Variants in GULP1 observed in about 807,000 individuals in gnomAD.
The protein encoded by GULP1 is PTB domain-containing engulfment adapter protein 1.
A neutral mutation model predicts 40.9 loss-of-function variants in GULP1; 19 were observed. That is an observed-to-expected ratio of 0.46 (90% CI 0.32 to 0.68). GULP1 has a LOEUF of 0.68. GULP1 is among the 30% of genes least tolerant of loss of function. The pLI is 0.03. For synonymous variants in GULP1, 119 were observed against 117.6 expected, an observed-to-expected ratio of 1.01 and a Z score of -0.08; for missense variants, 312 against 362.2, an observed-to-expected ratio of 0.86 and a Z score of 1.12.
intron 11 of GULP1, chr2:188,591,667 A>G (rs1426482344): frequency 2.0e-5 from 3 of 151,760 alleles, no homozygotes; most frequent in Non-Finnish European, 4.4e-5. Flanking sequence ...ATAGAAAACT[A>G]TATGTAATAT....
At chr2:188,577,420 C>T (rs1700373521) in intron 9 of GULP1, among the ~76,000 whole-genome samples, 1 of 151,996 alleles carries the variant, frequency 6.6e-6, no homozygotes, top group African/African-American at 2.4e-5. Context: ...AATCTTTAAA[C>T]AAAGGCATAA....
rs146060469 is a variant in GULP1, at chr2:188,411,761, T to A, written c.-45+27872T>A. Reference sequence around the variant, plus strand: ...CTACAGCCCATGAATCAGTATATAATCACACATCTGGCCATTTCTTCTTCT... The same window carrying A: ...CTACAGCCCATGAATCAGTATATAAACACACATCTGGCCATTTCTTCTTCT... On this transcript the variant is annotated intron_variant, in intron 2 of 11. Coordinates refer to ENST00000409830, the MANE Select transcript of GULP1 (RefSeq NM_016315.4). 4.3e-3 allele frequency among the ~76,000 whole-genome samples: 655 copies of A among 152,290 alleles called. 5 individuals carry two copies. The highest frequency in any genetic ancestry group is 0.015 in the African/African-American group (620 of 41,540).
At chr2:188,489,057 A>T (rs548938600) in intron 4 of GULP1, among the ~76,000 whole-genome samples, 1 of 152,018 alleles carries the variant, frequency 6.6e-6, no homozygotes, top group Admixed American at 6.6e-5. Flanking sequence ...AGAACATATG[A>T]TAAATTACCC....
At chr2:188,447,007 C>A (rs576035644) in intron 2 of GULP1, among the ~76,000 whole-genome samples, 1 of 152,166 alleles carries the variant, frequency 6.6e-6, no homozygotes, top group East Asian at 1.9e-4. Context: ...GGCATAGCCT[C>A]GTTTTATGCA....
Position 188,569,375 on chromosome 2 carries a change from T to G in GULP1, c.516+20T>G. ...AAAAGAGTGAGTAAACTAAGCTTGT[T>G]GTTTTACATTTGTGTGATGTAAGTA... is the stretch of plus-strand genomic sequence containing the variant. On this transcript the variant is annotated intron_variant, in intron 8 of 11. Transcript: ENST00000409830. 1.7e-6 allele frequency: 2 copies of G among 1,158,090 alleles called. No individual in the cohort carries two copies. Among genetic ancestry groups the G allele is most frequent in the Non-Finnish European group, 2.6e-6 (2 of 763,770 alleles). The allele number at this position is 1,158,090 out of a possible 1,614,324, so 71.7% of individuals were successfully genotyped here.
At chr2:188,330,097 A>G (rs1457028657) in intron 1 of GULP1, among the ~76,000 whole-genome samples, 2 of 152,180 alleles carry the variant, frequency 1.3e-5, no homozygotes, top group African/African-American at 4.8e-5. Context: ...AACATACTCA[A>G]ATTACCTAGG....
At chr2:188,338,244 C>A (rs1234424709) in intron 1 of GULP1, among the ~76,000 whole-genome samples, 1 of 151,462 alleles carries the variant, frequency 6.6e-6, no homozygotes. Context: ...TTATTAACCA[C>A]AATCTTAAGA....
intron 9 of GULP1, among the ~76,000 whole-genome samples, chr2:188,574,844 A>G (rs1699852582): frequency 6.6e-6 from 1 of 152,176 alleles, no homozygotes; most frequent in Non-Finnish European, 1.5e-5. Context: ...ATGTTAAATC[A>G]TAAATTTAAA....
intron 1 of GULP1, among the ~76,000 whole-genome samples, chr2:188,311,338 A>G (rs979541281): frequency 6.6e-6 from 1 of 152,136 alleles, no homozygotes; most frequent in East Asian, 1.9e-4. Context: ...CTGGGACTAC[A>G]GGCATGCGCC....
intron 2 of GULP1, among the ~76,000 whole-genome samples, chr2:188,467,105 A>T (rs141850759): frequency 1.1e-3 from 168 of 152,198 alleles, no homozygotes; most frequent in Middle Eastern, 6.8e-3. Context: ...TGGGGACATG[A>T]CACAGTTGAA....
At chr2:188,442,140 T>C (rs1351870116) in intron 2 of GULP1, among the ~76,000 whole-genome samples, 1 of 152,236 alleles carries the variant, frequency 6.6e-6, no homozygotes, top group Non-Finnish European at 1.5e-5. Flanking sequence ...ATTAAAACAA[T>C]TGTTGGTGAC....
chr2:188,569,176 T>G (rs938096496), intron 7 of GULP1, 63 bp from the exon 8 acceptor site: 2 of 859,146 alleles, frequency 2.3e-6, no homozygotes, highest in Non-Finnish European at 4.0e-6. Flanking sequence ...AATGTTGTTT[T>G]CTCGATTCAA....
At chr2:188,529,232 A>G in intron 6 of GULP1, 37 bp downstream of exon 6, 1 of 921,814 alleles carries the variant, frequency 1.1e-6, no homozygotes, top group Admixed American at 2.2e-5. Context: ...GCAATCTTTA[A>G]TTAATTGCAA....
chr2:188,472,491 T>A (rs2060671568), intron 2 of GULP1, among the ~76,000 whole-genome samples: 1 of 152,170 alleles, frequency 6.6e-6, no homozygotes, highest in Non-Finnish European at 1.5e-5. Flanking sequence ...TTGTCTCCTC[T>A]GACCATGTAT....
intron 1 of GULP1, among the ~76,000 whole-genome samples, chr2:188,336,459 A>G (rs1451391501): frequency 6.6e-6 from 1 of 152,248 alleles, no homozygotes; most frequent in African/African-American, 2.4e-5. Flanking sequence ...TACAGCATCA[A>G]AAAGGACAGA....
intron 9 of GULP1, among the ~76,000 whole-genome samples, chr2:188,570,426 A>T (rs1210823029): frequency 6.6e-6 from 1 of 152,076 alleles, no homozygotes. Context: ...TTTTGTTTCT[A>T]TTAATTACTA....
intron 2 of GULP1, among the ~76,000 whole-genome samples, chr2:188,454,586 G>C (rs771713552): frequency 1.4e-4 from 22 of 152,146 alleles, no homozygotes; most frequent in Non-Finnish European, 2.6e-4. Flanking sequence ...ATCTGCCTAG[G>C]CATTTGTCTG....
chr2:188,333,087 A>G (rs996516384), intron 1 of GULP1, among the ~76,000 whole-genome samples: 3 of 151,990 alleles, frequency 2.0e-5, no homozygotes, highest in Admixed American at 1.3e-4. Flanking sequence ...TCTACAAAAA[A>G]TAAAAACATT....
intron 2 of GULP1, among the ~76,000 whole-genome samples, chr2:188,421,671 C>T (rs1412299955): frequency 6.6e-6 from 1 of 152,056 alleles, no homozygotes; most frequent in Non-Finnish European, 1.5e-5. Context: ...TGAAGAATTT[C>T]AGATAATATG....
Sources: gnomAD v4.1 joint callset for allele counts (sites outside exome capture counted in the v4.1 genomes callset) on GRCh38, gnomAD v4.1.1 for gene constraint, MANE v1.5 for transcripts, NCBI Gene and HGNC (gene_info 2026-07-23, HGNC 2026-07-21) for gene names.